SLC9A9: variants seen among roughly 807,000 people sequenced by gnomAD.
SLC9A9 encodes the protein solute carrier family 9 member A9.
A neutral mutation model predicts 77.8 loss-of-function variants in SLC9A9; 62 were observed. The observed-to-expected ratio is 0.80, with a 90% CI of 0.65 to 0.98. The LOEUF is 0.98. Ranked by LOEUF, SLC9A9 falls within the 50% of genes least tolerant of loss-of-function variation. The probability of loss-of-function intolerance (pLI) is 0.00; values close to 1 mark genes in which losing one functional copy is unlikely to be tolerated. For synonymous variants in SLC9A9, 320 were observed against 283.5 expected, an observed-to-expected ratio of 1.13 and a Z score of -1.29; for missense variants, 775 against 774.9, an observed-to-expected ratio of 1.00 and a Z score of 0.00.
intron 5 of SLC9A9, among the ~76,000 whole-genome samples, chr3:143,684,290 A>T (rs2108775734): frequency 6.6e-6 from 1 of 152,168 alleles, no homozygotes; most frequent in East Asian, 1.9e-4. Context: ...AGATAAAGAA[A>T]TAGATCCTAT....
At chr3:143,354,250 C>T (rs747634482) in intron 14 of SLC9A9, among the ~76,000 whole-genome samples, 1 of 152,214 alleles carries the variant, frequency 6.6e-6, no homozygotes, top group African/African-American at 2.4e-5. Context: ...TCCATGGACA[C>T]TTTCTCACAT....
At chr3:143,450,081 CAT>C (rs1356264310) in intron 12 of SLC9A9, among the ~76,000 whole-genome samples, 3 of 111,394 alleles carry the variant, frequency 2.7e-5, no homozygotes, top group South Asian at 2.6e-4. Context: ...TATAATATAA[CAT>C]ATATAAATAC....
At chr3:143,410,886 C>T (rs2034083868) in intron 12 of SLC9A9, among the ~76,000 whole-genome samples, 1 of 151,972 alleles carries the variant, frequency 6.6e-6, no homozygotes, top group East Asian at 1.9e-4. Flanking sequence ...CGAGGATTTT[C>T]CTATTATTCA....
At chr3:143,552,973 C>A (rs757395645) in intron 8 of SLC9A9, among the ~76,000 whole-genome samples, 1 of 152,142 alleles carries the variant, frequency 6.6e-6, no homozygotes, top group Non-Finnish European at 1.5e-5. Context: ...CCCCTGCCAA[C>A]GCTCCTACTT....
chr3:143,491,826 T>C (rs1015605729), intron 11 of SLC9A9, among the ~76,000 whole-genome samples: 5 of 152,344 alleles, frequency 3.3e-5, no homozygotes, highest in South Asian at 4.1e-4. Flanking sequence ...AGAGTAAAGT[T>C]ACTGATGTTT....
chr3:143,698,226 G>T (rs565615405), intron 4 of SLC9A9: 44 of 153,860 alleles, frequency 2.9e-4, no homozygotes, highest in African/African-American at 9.6e-4. Flanking sequence ...ATGTCCTCCT[G>T]TGGACACTCT....
intron 9 of SLC9A9, among the ~76,000 whole-genome samples, chr3:143,502,762 T>A (rs2035946909): frequency 1.3e-5 from 2 of 152,188 alleles, no homozygotes; most frequent in Non-Finnish European, 2.9e-5. Context: ...TGTTAAATAA[T>A]CTCAAAACTG....
chr3:143,423,745 G>A (rs922776692), intron 12 of SLC9A9, among the ~76,000 whole-genome samples: 1 of 152,194 alleles, frequency 6.6e-6, no homozygotes, highest in Non-Finnish European at 1.5e-5. Flanking sequence ...ATGGGGGGTA[G>A]AAAGAGTAAC....
intron 9 of SLC9A9, among the ~76,000 whole-genome samples, chr3:143,504,736 C>A (rs1233109735): frequency 1.3e-5 from 2 of 152,050 alleles, no homozygotes; most frequent in Non-Finnish European, 2.9e-5. Flanking sequence ...TTTTTAAAAA[C>A]CTTTATGTTA....
intron 4 of SLC9A9, among the ~76,000 whole-genome samples, chr3:143,712,211 A>G (rs1008264085): frequency 4.6e-5 from 7 of 152,306 alleles, no homozygotes; most frequent in African/African-American, 1.7e-4. Context: ...GTCAAGAATA[A>G]TAAATGGCCC....
intron 14 of SLC9A9, among the ~76,000 whole-genome samples, chr3:143,315,426 T>C (rs549824758): frequency 6.6e-6 from 1 of 152,320 alleles, no homozygotes; most frequent in Admixed American, 6.5e-5. Context: ...AAAGTGTTCT[T>C]TGTGCTTCAA....
chr3:143,519,252 T>A (rs2036254268), intron 9 of SLC9A9, among the ~76,000 whole-genome samples: 1 of 152,074 alleles, frequency 6.6e-6, no homozygotes, highest in Non-Finnish European at 1.5e-5. Flanking sequence ...GTGTTGAAAT[T>A]TTAGGTAGTG....
At chr3:143,419,512 C>T (rs879832935) in intron 12 of SLC9A9, among the ~76,000 whole-genome samples, 1 of 152,160 alleles carries the variant, frequency 6.6e-6, no homozygotes, top group African/African-American at 2.4e-5. Flanking sequence ...TCTAACGGTG[C>T]TATCTCCTTC....
chr3:143,738,297 T>G (rs1212875792), intron 4 of SLC9A9, among the ~76,000 whole-genome samples: 1 of 152,174 alleles, frequency 6.6e-6, no homozygotes, highest in African/African-American at 2.4e-5. Flanking sequence ...GTCACAAGAT[T>G]TCCTACAGTC....
At chr3:143,518,176 C>A (rs2036235053) in intron 9 of SLC9A9, 1 of 1,599,516 alleles carries the variant, frequency 6.3e-7, no homozygotes, top group South Asian at 1.1e-5. Flanking sequence ...CGCTCGGATC[C>A]TCCTTACACA....
At chr3:143,766,756 T>G (rs959548047) in intron 4 of SLC9A9, among the ~76,000 whole-genome samples, 1 of 152,088 alleles carries the variant, frequency 6.6e-6, no homozygotes, top group Non-Finnish European at 1.5e-5. Flanking sequence ...ATATTTTTAG[T>G]AGAGACGGGG....
intron 12 of SLC9A9, among the ~76,000 whole-genome samples, chr3:143,435,187 C>T (rs369610031): frequency 3.3e-4 from 50 of 151,988 alleles, no homozygotes; most frequent in Non-Finnish European, 5.6e-4. Context: ...ATTGTATTTT[C>T]GTATGCCTTT....
intron 14 of SLC9A9, among the ~76,000 whole-genome samples, chr3:143,294,930 A>C (rs902957042): frequency 3.9e-5 from 6 of 152,234 alleles, no homozygotes; most frequent in Non-Finnish European, 8.8e-5. Context: ...TATGACACAA[A>C]ATTTTTATCT....
intron 12 of SLC9A9, among the ~76,000 whole-genome samples, chr3:143,444,869 A>G (rs911591502): frequency 6.6e-6 from 1 of 152,164 alleles, no homozygotes; most frequent in African/African-American, 2.4e-5. Context: ...GCTGTGGTGG[A>G]TGTTGGAAGC....
Sources: allele counts gnomAD v4.1 joint callset (sites outside exome capture counted in the v4.1 genomes callset), GRCh38; gene constraint gnomAD v4.1.1; transcripts MANE v1.5; gene names NCBI Gene and HGNC (gene_info 2026-07-23, HGNC 2026-07-21).